WDR19: variants seen among roughly 807,000 people sequenced by gnomAD.
WDR19 encodes the protein WD repeat domain 19.
A neutral mutation model predicts 180.0 loss-of-function variants in WDR19; 121 were observed. The observed-to-expected ratio is 0.67, with a 90% CI of 0.58 to 0.78. The LOEUF is 0.78. Among genes scored for constraint, WDR19 ranks in the 30% least tolerant of loss-of-function variants. The pLI is 0.00. For synonymous variants in WDR19, 497 were observed against 540.7 expected (o/e 0.92, Z 1.12); for missense variants, 1,450 against 1,640.7 (o/e 0.88, Z 2.01).
intron 24 of WDR19, among the ~76,000 whole-genome samples, chr4:39,245,994 C>G (rs2109412170): frequency 6.6e-6 from 1 of 152,084 alleles, no homozygotes; most frequent in East Asian, 1.9e-4. Context: ...CTACTTAATA[C>G]AAGAAACTCA....
At chr4:39,205,094 A>C in intron 7 of WDR19, 60 bp from the exon 8 acceptor site, 1 of 1,237,292 alleles carries the variant, frequency 8.1e-7, no homozygotes, top group Non-Finnish European at 1.1e-6. Context: ...GATTTGCTTA[A>C]TGGTCTTTTC....
At chr4:39,221,825 A>G (rs1164772099) in intron 14 of WDR19, among the ~76,000 whole-genome samples, 1 of 152,204 alleles carries the variant, frequency 6.6e-6, no homozygotes, top group Non-Finnish European at 1.5e-5. Context: ...GAGATGCATT[A>G]TGCTGTTGTG....
At chr4:39,241,409 G>A (rs1229089978) in intron 21 of WDR19, among the ~76,000 whole-genome samples, 12 of 149,858 alleles carry the variant, frequency 8.0e-5, no homozygotes, top group Non-Finnish European at 1.3e-4. Flanking sequence ...GGGGAGAATC[G>A]CTTGAACCCA....
Position 39,241,575 on chromosome 4 carries a change from G to A in WDR19, c.2421+1241G>A, listed in dbSNP as rs531045610. ...CCCAGCACTTTGGGAGGCTGAGGCC[G>A]GTGGATCACTTTAGGTCAGGAGACC... On this transcript the variant is annotated intron_variant, in intron 21 of 36. Transcript: ENST00000399820. 2.6e-5 allele frequency among the ~76,000 whole-genome samples: 4 copies of A among 151,362 alleles called. No homozygotes were observed. In the East Asian group the frequency reaches 5.8e-4, roughly 22 times the overall value.
chr4:39,254,789 C>T (rs779474479), intron 26 of WDR19, among the ~76,000 whole-genome samples: 1 of 152,170 alleles, frequency 6.6e-6, no homozygotes, highest in Non-Finnish European at 1.5e-5. Context: ...CCATTGCCCT[C>T]TTTCCCCCAG....
At chr4:39,238,796 A>C (rs527269861) in intron 20 of WDR19, among the ~76,000 whole-genome samples, 1 of 152,070 alleles carries the variant, frequency 6.6e-6, no homozygotes, top group Non-Finnish European at 1.5e-5. Context: ...AAATCATGCC[A>C]TTTCAGAGCT....
intron 3 of WDR19, among the ~76,000 whole-genome samples, chr4:39,187,109 A>G (rs1280071344): frequency 2.0e-5 from 3 of 152,100 alleles, no homozygotes; most frequent in Admixed American, 1.3e-4. Context: ...TATTCTACTG[A>G]TGGTCTCAGT....
Position 39,234,847 on chromosome 4 carries a change from A to G in WDR19, c.2335A>G (p.Lys779Glu), listed in dbSNP as rs1265464277. Reference protein sequence around the residue: ...LAPDQIPFISKEYAIQLEFAG... With the variant: ...LAPDQIPFISEEYAIQLEFAG... ...CCCAGACCAGATACCTTTTATATCA[A>G]AAGAATATGCTATTCAGCTTGAATT... The change falls in exon 20 of 37, where the codon AAA becomes GAA. Residue 779 changes from lysine to glutamate, a missense_variant. Transcript: ENST00000399820. The G allele has an allele frequency of 2.5e-6, 4 of 1,570,576 alleles. No individual in the cohort carries two copies. The South Asian group carries it at 3.5e-5, about 14-fold the overall frequency.
In WDR19 at chr4:39,269,627, C is replaced by A. The variant is rs9996518; in HGVS notation, c.3359-349C>A. On this transcript the variant is annotated intron_variant, in intron 30 of 36. Coordinates refer to ENST00000399820, the MANE Select transcript of WDR19 (RefSeq NM_025132.4). ...TTGGGAGGCCGAGGAGGGTGGATTT[C>A]TTGAGCCAAGGTGTTTGAGACCAGC... is the stretch of plus-strand genomic sequence containing the variant. 6.5e-3 allele frequency among the ~76,000 whole-genome samples: 983 copies of A among 152,326 alleles called. 17 individuals are homozygous for A. Among genetic ancestry groups the A allele is most frequent in the African/African-American group, 0.022 (927 of 41,580 alleles).
At chr4:39,259,083 A>G (rs538322233) in intron 28 of WDR19, among the ~76,000 whole-genome samples, 1 of 152,288 alleles carries the variant, frequency 6.6e-6, no homozygotes, top group South Asian at 2.1e-4. Flanking sequence ...AAGAAAAAAA[A>G]CAGAAAAGAA....
At chr4:39,226,703 G>A (rs1040687346) in intron 15 of WDR19, among the ~76,000 whole-genome samples, 1 of 152,076 alleles carries the variant, frequency 6.6e-6, no homozygotes. Context: ...TAGAGTATAA[G>A]GTTAGAATTA....
chr4:39,226,014 C>T (rs1414711815), intron 15 of WDR19, among the ~76,000 whole-genome samples: 5 of 152,156 alleles, frequency 3.3e-5, no homozygotes, highest in African/African-American at 1.2e-4. Context: ...AGATAAACCT[C>T]GAGTTTCCTC....
At chr4:39,247,887 C>A (rs2109418697) in intron 24 of WDR19, among the ~76,000 whole-genome samples, 1 of 152,268 alleles carries the variant, frequency 6.6e-6, no homozygotes, top group East Asian at 1.9e-4. Flanking sequence ...ATTGGTATAC[C>A]TGAAAGTGAC....
intron 30 of WDR19, among the ~76,000 whole-genome samples, chr4:39,269,039 G>C (rs935179061): frequency 6.6e-6 from 1 of 152,110 alleles, no homozygotes; most frequent in Non-Finnish European, 1.5e-5. Context: ...CTGGGAGCCA[G>C]AGTGCTGGGA....
At chr4:39,275,240 T>C in intron 33 of WDR19, 1 of 376,548 alleles carries the variant, frequency 2.7e-6, no homozygotes, top group Non-Finnish European at 5.1e-6. Context: ...CTCAGGAGGC[T>C]GGGGCAGGAG....
intron 36 of WDR19, among the ~76,000 whole-genome samples, chr4:39,279,681 A>G (rs1473527914): frequency 1.4e-5 from 2 of 145,140 alleles, no homozygotes; most frequent in East Asian, 2.0e-4. Context: ...ATCCCTGCCA[A>G]CAGCTGCTGT....
intron 3 of WDR19, among the ~76,000 whole-genome samples, chr4:39,187,718 G>T (rs937787694): frequency 7.9e-5 from 12 of 152,158 alleles, no homozygotes; most frequent in African/African-American, 2.7e-4. Context: ...AGTAAAAATT[G>T]TCTTGGAGTA....
At chr4:39,224,703 T>C (rs944827088) in intron 14 of WDR19, among the ~76,000 whole-genome samples, 181 bp from the exon 15 acceptor site, 3 of 152,164 alleles carry the variant, frequency 2.0e-5, no homozygotes, top group African/African-American at 7.2e-5. Context: ...GCTTTTCCCA[T>C]TTTATTTATT....
At chr4:39,200,876 C>T (rs777041857) in intron 6 of WDR19, among the ~76,000 whole-genome samples, 2 of 152,072 alleles carry the variant, frequency 1.3e-5, no homozygotes, top group Non-Finnish European at 2.9e-5. Flanking sequence ...ACACACATGG[C>T]CTTATTGATT....
Sources: gnomAD v4.1 joint callset for allele counts (sites outside exome capture counted in the v4.1 genomes callset) on GRCh38, gnomAD v4.1.1 for gene constraint, MANE v1.5 for transcripts, NCBI Gene and HGNC (gene_info 2026-07-23, HGNC 2026-07-21) for gene names.